TMEM131: variants seen among roughly 807,000 people sequenced by gnomAD.
TMEM131 encodes the protein transmembrane protein 131.
TMEM131 carries 66 observed loss-of-function variants against 211.6 expected under a neutral mutation model. The ratio of observed to expected loss-of-function variants is 0.31; its 90% CI spans 0.26 to 0.38. The LOEUF (loss-of-function observed/expected upper bound fraction) is 0.38. Ranked by LOEUF, TMEM131 falls within the 10% of genes least tolerant of loss-of-function variation. TMEM131 has a pLI of 1.00. For missense variants in TMEM131, 2,036 were observed against 2,299.3 expected (o/e 0.89, Z 2.34); for synonymous variants, 844 against 841.3 (o/e 1.00, Z -0.06).
At chr2:97,948,715 T>C (rs1678164336) in intron 1 of TMEM131, among the ~76,000 whole-genome samples, 1 of 152,082 alleles carries the variant, frequency 6.6e-6, no homozygotes, top group South Asian at 2.1e-4. Context: ...TGGAGTGCAG[T>C]GGTGTGATCT....
At chr2:97,767,551 T>C (rs555116086) in intron 33 of TMEM131, among the ~76,000 whole-genome samples, 23 of 152,268 alleles carry the variant, frequency 1.5e-4, no homozygotes, top group African/African-American at 5.5e-4. Context: ...AAGGCTGAGA[T>C]GCAGCTCAGA....
chr2:97,991,463 C>T (rs1039772706), intron 1 of TMEM131, among the ~76,000 whole-genome samples: 1 of 152,110 alleles, frequency 6.6e-6, no homozygotes, highest in African/African-American at 2.4e-5. Flanking sequence ...AAACTGAATC[C>T]AGTGGGGCAG....
rs1419275726 is a variant in TMEM131, at chr2:97,814,347, C to T, written c.1334G>A (p.Arg445Gln). The change falls in exon 14 of 41, where the codon CGA becomes CAA. Residue 445 changes from arginine (R) to glutamine (Q), a missense_variant. Physicochemically the swap from Arg to Gln is conservative, Grantham distance 43 (BLOSUM62 1). Around this residue, in one of 3 missense-constraint regions of TMEM131, gnomAD observed 1,623 missense variants for 1,805.9 expected, o/e 0.90. Coordinates refer to ENST00000186436, the MANE Select transcript of TMEM131 (RefSeq NM_015348.2). ...FDHAATLFHI[R>Q]DSPADPVERP... ...TTCCACAGGATCAGCAGGGCTGTCT[C>T]GGATGTGAAATAATGTTGCAGCATG... 13 of 1,613,010 alleles carry T rather than the reference C, an allele frequency of 8.1e-6. No homozygotes were observed. Among genetic ancestry groups the T allele is most frequent in the Non-Finnish European group, 1.1e-5 (13 of 1,179,584 alleles).
At chr2:97,894,410 T>G (rs1573522866) in intron 3 of TMEM131, among the ~76,000 whole-genome samples, 1 of 152,346 alleles carries the variant, frequency 6.6e-6, no homozygotes, top group East Asian at 1.9e-4. Context: ...TTTTCAATTC[T>G]GTGAAGAAAA....
chr2:97,894,978 G>A (rs912475366), intron 3 of TMEM131, among the ~76,000 whole-genome samples: 2 of 152,134 alleles, frequency 1.3e-5, no homozygotes, highest in Non-Finnish European at 2.9e-5. Context: ...TCCAGTTTTT[G>A]CCCATTCAGC....
At chr2:97,846,302 C>T (rs1375080971) in intron 5 of TMEM131, among the ~76,000 whole-genome samples, 1 of 152,248 alleles carries the variant, frequency 6.6e-6, no homozygotes, top group South Asian at 2.1e-4. Context: ...CCACAAAGTA[C>T]GGCAAACTGA....
intron 11 of TMEM131, among the ~76,000 whole-genome samples, chr2:97,820,391 T>C (rs1176535250): frequency 6.6e-6 from 1 of 152,236 alleles, no homozygotes; most frequent in Admixed American, 6.5e-5. Flanking sequence ...AAGTTCCATT[T>C]GGTTATACTA....
At chr2:97,796,105 AAAAC>A (rs754153884) in intron 28 of TMEM131, 109 bp downstream of exon 28, 116 of 605,476 alleles carry the variant, frequency 1.9e-4, no homozygotes, top group Non-Finnish European at 2.9e-4. Context: ...AAGTGAAAAA[AAAAC>A]AAATGAATGC....
At chr2:97,823,732 C>A (rs1682238439) in intron 11 of TMEM131, among the ~76,000 whole-genome samples, 1 of 152,120 alleles carries the variant, frequency 6.6e-6, no homozygotes, top group Non-Finnish European at 1.5e-5. Flanking sequence ...CAATGATGTC[C>A]ACCATAACTC....
rs745781328 is a variant in TMEM131, at chr2:97,757,043, C to G, written c.*56G>C. 1.3e-6 allele frequency: 2 copies of G among 1,502,196 alleles called. No individual in the cohort carries two copies. The allele number at this position is 1,502,196 out of a possible 1,614,324, so 93.1% of individuals were successfully genotyped here. ...GAGCCTTAAAAAGATGTCTCAGAAA[C>G]TGGCACATCATGATCTAGACGAGGG... is the stretch of plus-strand genomic sequence containing the variant. On this transcript the variant is annotated 3_prime_UTR_variant, in exon 41 of 41. Coordinates refer to ENST00000186436, the MANE Select transcript of TMEM131 (RefSeq NM_015348.2).
intron 1 of TMEM131, among the ~76,000 whole-genome samples, chr2:97,975,872 GCAAA>G (rs758060470): frequency 1.9e-4 from 28 of 147,370 alleles, no homozygotes; most frequent in South Asian, 4.3e-4. Context: ...CTAAGTCTTA[GCAAA>G]CAAACAAACA....
chr2:97,943,037 A>G lies in TMEM131; in HGVS notation c.188-15550T>C, dbSNP rs1190311377. On this transcript the variant is annotated intron_variant, in intron 1 of 40. Coordinates refer to ENST00000186436, the MANE Select transcript of TMEM131 (RefSeq NM_015348.2). ...AAAAGAAAAGAAAAGAAAAGAAAAG[A>G]AAAGAAAGAAAGAAAGAAAGAAAGA... 1.1e-4 allele frequency among the ~76,000 whole-genome samples: 7 copies of G among 66,058 alleles called. No homozygotes were observed. The East Asian group carries it at 1.5e-3, about 14-fold the overall frequency. The allele number at this position is 66,058 out of a possible 152,430, so 43.3% of individuals were successfully genotyped here.
Position 97,883,113 on chromosome 2 carries a change from G to A in TMEM131, c.359+4939C>T, listed in dbSNP as rs550796398. On this transcript the variant is annotated intron_variant, in intron 4 of 40. Transcript: ENST00000186436. Reference sequence around the variant, plus strand: ...AGCTCTATGGGGCCTCTCTTGTAAGGTCACTAATCCCATTTGTGAGATTAG... The same window carrying A: ...AGCTCTATGGGGCCTCTCTTGTAAGATCACTAATCCCATTTGTGAGATTAG... 3.9e-5 allele frequency among the ~76,000 whole-genome samples: 6 copies of A among 152,148 alleles called. No individual in the cohort carries two copies. The South Asian group carries it at 8.3e-4, about 21-fold the overall frequency.
intron 11 of TMEM131, among the ~76,000 whole-genome samples, chr2:97,822,343 G>T (rs913555430): frequency 1.3e-5 from 2 of 152,118 alleles, no homozygotes; most frequent in African/African-American, 4.8e-5. Flanking sequence ...GCTAGGATAC[G>T]GGGAGCCTCA....
intron 3 of TMEM131, among the ~76,000 whole-genome samples, chr2:97,891,354 C>G (rs1365584183): frequency 6.6e-6 from 1 of 152,104 alleles, no homozygotes; most frequent in Non-Finnish European, 1.5e-5. Flanking sequence ...GTAGCTGGGA[C>G]TACAGATGCA....
chr2:97,761,825 T>G, intron 36 of TMEM131: 1 of 528,916 alleles, frequency 1.9e-6, no homozygotes, highest in Non-Finnish European at 3.3e-6. Context: ...AATGAATGGA[T>G]TAGAATGGGA....
intron 31 of TMEM131, among the ~76,000 whole-genome samples, chr2:97,787,501 T>G (rs1173814702): frequency 3.3e-5 from 5 of 152,236 alleles, no homozygotes; most frequent in Non-Finnish European, 5.9e-5. Context: ...TCAGGGGTGC[T>G]GGCATCACAC....
intron 2 of TMEM131, among the ~76,000 whole-genome samples, chr2:97,910,918 T>C (rs1325761757): frequency 6.6e-6 from 1 of 152,122 alleles, no homozygotes; most frequent in Non-Finnish European, 1.5e-5. Flanking sequence ...ATCACTCCAC[T>C]CCTAGATATA....
chr2:97,938,455 G>C (rs1677552953), intron 1 of TMEM131, among the ~76,000 whole-genome samples: 1 of 152,096 alleles, frequency 6.6e-6, no homozygotes, highest in Non-Finnish European at 1.5e-5. Flanking sequence ...ATGGTAAAGG[G>C]ATCAATTCAA....
Sources: gnomAD v4.1 joint callset for allele counts (sites outside exome capture counted in the v4.1 genomes callset) on GRCh38, gnomAD v4.1.1 for gene constraint, gnomAD v4.1.1 regional missense constraint, MANE v1.5 for transcripts, NCBI Gene and HGNC (gene_info 2026-07-23, HGNC 2026-07-21) for gene names.